HMCN2: variants seen among roughly 807,000 people sequenced by gnomAD.
HMCN2 encodes hemicentin-2.
Under a neutral mutation model 377.5 loss-of-function variants are expected in HMCN2, and 325 were observed. The ratio of observed to expected loss-of-function variants is 0.86; its 90% CI spans 0.79 to 0.94. The LOEUF is 0.94. HMCN2 is among the 40% of genes least tolerant of loss of function. The pLI is 0.00. For synonymous variants in HMCN2, 2,007 were observed against 2,046.8 expected (o/e 0.98, Z 0.53); for missense variants, 4,543 against 4,725.3 (o/e 0.96, Z 1.13).
At chr9:130,273,761 G>A (rs1019173541) in intron 1 of HMCN2, among the ~76,000 whole-genome samples, 1 of 152,250 alleles carries the variant, frequency 6.6e-6, no homozygotes, top group Non-Finnish European at 1.5e-5. Flanking sequence ...GCCTCCCAAA[G>A]TGCTGGGATT....
Position 130,414,613 on chromosome 9 carries a change from C to CTTTT in HMCN2, c.12961+3974_12961+3977dup, listed in dbSNP as rs145783637. On this transcript the variant is annotated intron_variant, in intron 85 of 97. Coordinates refer to ENST00000683500, the MANE Select transcript of HMCN2 (RefSeq NM_001291815.2). This position sits in a 1 kb window ranked among gnomAD's most constrained non-coding sequence, Gnocchi z 4.4. Reference sequence around the variant, plus strand: ...CAGATATCAGGTAATCTGATAAGGACTTTTTTTTTTTTTTTTAAGACAAGG... The same window carrying CTTTT: ...CAGATATCAGGTAATCTGATAAGGACTTTTTTTTTTTTTTTTTTTTAAGACAAGG... Among the ~76,000 whole-genome samples, 1 of 140,760 alleles carries CTTTT rather than the reference C, an allele frequency of 7.1e-6. No individual in the cohort carries two copies. The highest frequency in any genetic ancestry group is 2.7e-5 in the African/African-American group (1 of 37,564). The allele number at this position is 140,760 out of a possible 152,430, so 92.3% of individuals were successfully genotyped here. A position where few individuals can be genotyped will look rare whatever the true frequency, so the allele number is the denominator to read the frequency against.
chr9:130,405,152 T>A, intron 81 of HMCN2, 93 bp downstream of exon 81: 1 of 857,786 alleles, frequency 1.2e-6, no homozygotes, highest in Non-Finnish European at 1.5e-6. Flanking sequence ...CCTTTAACCC[T>A]GGGAGCCTGG....
intron 1 of HMCN2, among the ~76,000 whole-genome samples, chr9:130,278,951 T>G (rs1588162215): frequency 6.8e-6 from 1 of 146,064 alleles, no homozygotes; most frequent in Non-Finnish European, 1.5e-5. Flanking sequence ...CAGGCTGGAG[T>G]GCAATGGCGT....
chr9:130,336,851 C>CT (rs1838780231), intron 22 of HMCN2, among the ~76,000 whole-genome samples: 2 of 152,076 alleles, frequency 1.3e-5, no homozygotes, highest in African/African-American at 4.8e-5. Flanking sequence ...TGCAGCTGCC[C>CT]GCGAGGTGGG....
rs1173053980 is a variant in HMCN2 at position 130,330,968 on chromosome 9, A to AACACACACACACAC, written c.3359+3519_3359+3532dup. On this transcript the variant is annotated intron_variant, in intron 22 of 97. Transcript: ENST00000683500. Reference sequence around the variant, plus strand: ...CATGGTGAAACCCTGTCTCTACTGAAACACACACACACACACACACACACA... The same window carrying AACACACACACACAC: ...CATGGTGAAACCCTGTCTCTACTGAAACACACACACACACACACACACACACACACACACACACA... Among the ~76,000 whole-genome samples the AACACACACACACAC allele has an allele frequency of 2.6e-3, 347 of 131,498 alleles. 2 individuals are homozygous for AACACACACACACAC. The highest frequency in any genetic ancestry group is 0.011 in the Middle Eastern group (3 of 268). The allele number at this position is 131,498 out of a possible 152,430, so 86.3% of individuals were successfully genotyped here. A position where few individuals can be genotyped will look rare whatever the true frequency, so the allele number is the denominator to read the frequency against.
chr9:130,362,676 T>C (rs992681994), intron 39 of HMCN2, among the ~76,000 whole-genome samples, 191 bp from the exon 40 acceptor site: 4 of 152,238 alleles, frequency 2.6e-5, no homozygotes, highest in Non-Finnish European at 5.9e-5. Context: ...CCAGTGTCAT[T>C]GCCAGCTGGC....
chr9:130,298,761 C>T (rs1434569047), intron 7 of HMCN2, among the ~76,000 whole-genome samples: 1 of 152,146 alleles, frequency 6.6e-6, no homozygotes, highest in Non-Finnish European at 1.5e-5. Flanking sequence ...GACTCCAACT[C>T]AGTGCAGTCA....
At chr9:130,407,536 GT>G (rs1388091240) in intron 82 of HMCN2, 34 bp from the exon 83 acceptor site, 19 of 1,287,330 alleles carry the variant, frequency 1.5e-5, no homozygotes, top group Non-Finnish European at 1.9e-5. Flanking sequence ...TAGGGCAGGA[GT>G]TCCCTGCACC....
chr9:130,355,019 C>T lies in HMCN2; in HGVS notation c.5121C>T (p.Val1707=). The part of the protein sequence containing the change: ...CVASSPAGEA[V]LQYSVEVQVP... ...CCAGCAGTCCTGCCGGGGAAGCCGT[C>T]CTGCAGTACTCCGTGGAGGTTCAGG... Residue 1707 remains valine (V), a synonymous_variant, in exon 32 of 98, where the codon GTC becomes GTT. Coordinates refer to ENST00000683500, the MANE Select transcript of HMCN2 (RefSeq NM_001291815.2). 7.8e-7 allele frequency: 1 copy of T among 1,289,774 alleles called. No individual in the cohort carries two copies. Among genetic ancestry groups the T allele is most frequent in the African/African-American group, 1.5e-5 (1 of 65,914 alleles). The allele number at this position is 1,289,774 out of a possible 1,614,324, so 79.9% of individuals were successfully genotyped here.
intron 7 of HMCN2, among the ~76,000 whole-genome samples, chr9:130,297,846 ATGT>A (rs1836253161): frequency 6.6e-6 from 1 of 152,194 alleles, no homozygotes; most frequent in Admixed American, 6.5e-5. Flanking sequence ...AAGATATCCT[ATGT>A]GTAGTGATGG....
intron 18 of HMCN2, among the ~76,000 whole-genome samples, chr9:130,321,392 C>G (rs1837843304): frequency 6.6e-6 from 1 of 152,166 alleles, no homozygotes; most frequent in African/African-American, 2.4e-5. Flanking sequence ...CTTTCATTAC[C>G]TCTTCCCTTT....
At chr9:130,270,872 C>T (rs1834374170) in intron 1 of HMCN2, among the ~76,000 whole-genome samples, 1 of 148,566 alleles carries the variant, frequency 6.7e-6, no homozygotes, top group East Asian at 1.9e-4. Context: ...GCCACGGTGC[C>T]CAGCCTTCCT....
chr9:130,375,274 T>C (rs917054344), intron 49 of HMCN2, among the ~76,000 whole-genome samples: 1 of 152,132 alleles, frequency 6.6e-6, no homozygotes, highest in African/African-American at 2.4e-5. Flanking sequence ...CTCTGGTTAA[T>C]TGGTAGAGAG....
rs1275449948 is a variant in HMCN2 at position 130,361,988 on chromosome 9, A to G, written c.5951-20A>G. ...CCCAGTGGGGCTCAGCCTGTACCCC[A>G]TGTCACCCCTGCCCTGCAGTGCCCC... On this transcript the variant is annotated intron_variant, in intron 38 of 97. Coordinates refer to ENST00000683500, the MANE Select transcript of HMCN2 (RefSeq NM_001291815.2). The surrounding 1 kb of genome is among the most constrained non-coding windows in gnomAD (Gnocchi z 4.8). The G allele has an allele frequency of 1.4e-5, 14 of 985,820 alleles. No homozygotes were observed. The highest frequency in any genetic ancestry group is 9.4e-5 in the South Asian group (2 of 21,296). 61.1% of individuals were successfully genotyped at this position (985,820 alleles called of 1,614,324 possible).
chr9:130,273,755 C>T (rs1385419212), intron 1 of HMCN2, among the ~76,000 whole-genome samples: 1 of 152,230 alleles, frequency 6.6e-6, no homozygotes, highest in Non-Finnish European at 1.5e-5. Flanking sequence ...GCCTCAGCCT[C>T]CCAAAGTGCT....
At chr9:130,348,772 G>A (rs1839534144) in intron 27 of HMCN2, 97 bp downstream of exon 27, 1 of 1,265,242 alleles carries the variant, frequency 7.9e-7, no homozygotes, top group African/African-American at 1.5e-5. Context: ...GGTGGGGCAG[G>A]GAGATGTGAC....
intron 93 of HMCN2, 177 bp from the exon 94 acceptor site, chr9:130,429,380 A>G: frequency 2.8e-6 from 2 of 712,156 alleles, no homozygotes; most frequent in Non-Finnish European, 4.6e-6. Context: ...AACCCTGTTG[A>G]CCTCCAACCT....
intron 4 of HMCN2, among the ~76,000 whole-genome samples, chr9:130,292,970 CTATCT>C (rs1159056330): frequency 1.5e-5 from 2 of 129,626 alleles, no homozygotes; most frequent in African/African-American, 5.0e-5. Context: ...ATCTATCTAT[CTATCT>C]ATCTATCTAT....
intron 56 of HMCN2, 69 bp downstream of exon 56, chr9:130,382,935 C>A: frequency 1.1e-6 from 1 of 889,696 alleles, no homozygotes; most frequent in Non-Finnish European, 1.3e-6. Context: ...GTCTGGGAGC[C>A]AGGGAGGGGT....
Sources: gnomAD v4.1 joint callset for allele counts (sites outside exome capture counted in the v4.1 genomes callset) on GRCh38, gnomAD v4.1.1 for gene constraint, Gnocchi (gnomAD v3.1) non-coding constraint, MANE v1.5 for transcripts, NCBI Gene and HGNC (gene_info 2026-07-23, HGNC 2026-07-21) for gene names.